RABGAP1L: variants seen among roughly 807,000 people sequenced by gnomAD.
RABGAP1L encodes the protein RAB GTPase activating protein 1 like, also known as rab GTPase-activating protein 1-like.
RABGAP1L carries 63 observed loss-of-function variants against 137.7 expected under a neutral mutation model. The ratio of observed to expected loss-of-function variants is 0.46; its 90% confidence interval spans 0.37 to 0.56. The LOEUF (loss-of-function observed/expected upper bound fraction) is 0.56. RABGAP1L is among the 20% of genes least tolerant of loss of function. RABGAP1L has a pLI of 0.00. For missense variants in RABGAP1L, 1,095 were observed against 1,244.0 expected (o/e 0.88, Z 1.80); for synonymous variants, 431 against 433.7 (o/e 0.99, Z 0.08).
chr1:174,766,217 T>C (rs973927195), intron 18 of RABGAP1L, among the ~76,000 whole-genome samples: 15 of 152,200 alleles, frequency 9.9e-5, no homozygotes, highest in African/African-American at 3.6e-4. Flanking sequence ...CCTCCAGAAC[T>C]GTGAGAAAAT....
At chr1:174,832,300 AAAAAAG>A (rs149222282) in intron 19 of RABGAP1L, among the ~76,000 whole-genome samples, 2,608 of 147,678 alleles carry the variant, frequency 0.018, 197 homozygotes, top group African/African-American at 0.061. Flanking sequence ...CTCAAAAAAG[AAAAAAG>A]AAAAAGAAAA....
intron 15 of RABGAP1L, among the ~76,000 whole-genome samples, chr1:174,696,609 G>A (rs1188192303): frequency 6.6e-6 from 1 of 152,158 alleles, no homozygotes; most frequent in Non-Finnish European, 1.5e-5. Context: ...TCCTTGTTGT[G>A]TGCCTGCTAA....
At chr1:174,453,733 CTAGAG>C (rs1345900816) in intron 13 of RABGAP1L, among the ~76,000 whole-genome samples, 3 of 152,034 alleles carry the variant, frequency 2.0e-5, no homozygotes, top group African/African-American at 4.8e-5. Context: ...AACAAAATTG[CTAGAG>C]TAGAGAAAAC....
intron 13 of RABGAP1L, among the ~76,000 whole-genome samples, chr1:174,437,838 A>G (rs1258557267): frequency 6.6e-6 from 1 of 152,214 alleles, no homozygotes; most frequent in Admixed American, 6.5e-5. Flanking sequence ...GGTTACCCAC[A>G]AAGGGAAGCC....
At chr1:174,176,713 G>GGA (rs1232596038) in intron 1 of RABGAP1L, among the ~76,000 whole-genome samples, 8 of 21,552 alleles carry the variant, frequency 3.7e-4, no homozygotes, top group African/African-American at 5.8e-4. Context: ...CCCTTTTTCA[G>GGA]AAAAAAAAAA....
At chr1:174,627,698 C>A (rs1557922032) in intron 13 of RABGAP1L, among the ~76,000 whole-genome samples, 1 of 152,088 alleles carries the variant, frequency 6.6e-6, no homozygotes, top group Admixed American at 6.5e-5. Flanking sequence ...TTAAAGAGAA[C>A]CCTTGAAAGG....
chr1:174,653,518 G>C (rs1465736799), intron 14 of RABGAP1L, among the ~76,000 whole-genome samples: 1 of 152,144 alleles, frequency 6.6e-6, no homozygotes, highest in African/African-American at 2.4e-5. Flanking sequence ...GCTTCCCTTG[G>C]CTAGGGGAGG....
intron 14 of RABGAP1L, among the ~76,000 whole-genome samples, chr1:174,646,996 G>T (rs1163339011): frequency 6.6e-6 from 1 of 152,040 alleles, no homozygotes; most frequent in Non-Finnish European, 1.5e-5. Context: ...GTTTACTCAT[G>T]ATTTGGCTGT....
At chr1:174,304,940 T>G in intron 10 of RABGAP1L, 46 bp from the exon 11 acceptor site, 1 of 1,440,540 alleles carries the variant, frequency 6.9e-7, no homozygotes, top group Non-Finnish European at 9.3e-7. Flanking sequence ...TTTCAATGTT[T>G]CCTTCAGATT....
At chr1:174,550,913 C>CATATATATATAT (rs1558333904) in intron 13 of RABGAP1L, among the ~76,000 whole-genome samples, 1 of 60,198 alleles carries the variant, frequency 1.7e-5, no homozygotes, top group Non-Finnish European at 2.9e-5. Flanking sequence ...CACATATACA[C>CATATATATATAT]ACACACACAT....
chr1:174,578,057 A>G (rs1272372199), intron 13 of RABGAP1L, among the ~76,000 whole-genome samples: 3 of 152,270 alleles, frequency 2.0e-5, no homozygotes, highest in Non-Finnish European at 1.5e-5. Context: ...ATATGTTGAA[A>G]TAAGTATAGT....
At chr1:174,656,932 A>G (rs989726686) in intron 14 of RABGAP1L, among the ~76,000 whole-genome samples, 1 of 152,138 alleles carries the variant, frequency 6.6e-6, no homozygotes, top group Non-Finnish European at 1.5e-5. Flanking sequence ...TCCTGCTTGT[A>G]TAGAACTTCA....
At chr1:174,213,777 A>G (rs1669080647) in intron 1 of RABGAP1L, among the ~76,000 whole-genome samples, 1 of 152,236 alleles carries the variant, frequency 6.6e-6, no homozygotes, top group Non-Finnish European at 1.5e-5. Flanking sequence ...AAAGCATTTG[A>G]AAACATTCAA....
At chr1:174,832,810 C>T (rs1371400641) in intron 19 of RABGAP1L, among the ~76,000 whole-genome samples, 1 of 152,226 alleles carries the variant, frequency 6.6e-6, no homozygotes, top group African/African-American at 2.4e-5. Context: ...TGATTCTATG[C>T]TGTTTGCCAT....
intron 11 of RABGAP1L, among the ~76,000 whole-genome samples, chr1:174,357,641 AG>A (rs940143288): frequency 6.6e-6 from 1 of 152,206 alleles, no homozygotes; most frequent in African/African-American, 2.4e-5. Context: ...GCAAAAAGGA[AG>A]GACTGGCCAG....
intron 19 of RABGAP1L, among the ~76,000 whole-genome samples, chr1:174,859,356 G>A (rs113468328): frequency 0.022 from 3,304 of 152,074 alleles, 71 homozygotes; most frequent in Admixed American, 0.064. Flanking sequence ...GGTGGCGGGT[G>A]CCTGTAGTCC....
intron 12 of RABGAP1L, among the ~76,000 whole-genome samples, chr1:174,374,340 A>C (rs1183229314): frequency 6.6e-6 from 1 of 152,088 alleles, no homozygotes; most frequent in Non-Finnish European, 1.5e-5. Flanking sequence ...ACAGGGGCAT[A>C]GTCTTCCGTT....
chr1:174,800,277 T>C (rs1285291366), intron 18 of RABGAP1L: 39 of 1,511,236 alleles, frequency 2.6e-5, no homozygotes, highest in Non-Finnish European at 3.2e-5. Context: ...ACCGCAGTTC[T>C]TAATATTGTG....
chr1:174,664,719 CT>C (rs1676625158), intron 14 of RABGAP1L, among the ~76,000 whole-genome samples: 2 of 119,916 alleles, frequency 1.7e-5, no homozygotes, highest in Non-Finnish European at 3.4e-5. Flanking sequence ...CTCTTTCTTT[CT>C]TTCTTTCTGC....
Sources: gnomAD v4.1 joint callset for allele counts (sites outside exome capture counted in the v4.1 genomes callset) on GRCh38, gnomAD v4.1.1 for gene constraint, MANE v1.5 for transcripts, NCBI Gene and HGNC (gene_info 2026-07-23, HGNC 2026-07-21) for gene names.